ALPK2: variants seen among roughly 807,000 people sequenced by gnomAD.
The protein encoded by ALPK2 is alpha kinase 2.
In ALPK2, 127 loss-of-function variants were observed where a neutral mutation model predicts 163.1. The observed-to-expected ratio is 0.78, with a 90% CI of 0.67 to 0.90. The LOEUF (loss-of-function observed/expected upper bound fraction) is 0.90, where lower values mean the gene tolerates loss of function less well. Among genes scored for constraint, ALPK2 ranks in the 40% least tolerant of loss-of-function variants. ALPK2 has a pLI of 0.00. For synonymous variants in ALPK2, 953 were observed against 959.1 expected (o/e 0.99, Z 0.12); for missense variants, 2,360 against 2,589.6 (o/e 0.91, Z 1.92).
At position 58,514,695 on chromosome 18, in the gene ALPK2, C is replaced by A. The variant is rs565622830; in HGVS notation, c.6029+298G>T. 2.4e-4 allele frequency among the ~76,000 whole-genome samples: 37 copies of A among 152,122 alleles called. No individual in the cohort carries two copies. The South Asian group carries it at 6.9e-3, about 28-fold the overall frequency. ...TATGAGAGTAGATATCCTTTCTTTT[C>A]TATTTAACATGGTAGATTCATTTAT... is the stretch of plus-strand genomic sequence containing the variant. On this transcript the variant is annotated intron_variant, in intron 10 of 12. Coordinates refer to ENST00000361673, the MANE Select transcript of ALPK2 (RefSeq NM_052947.4).
chr18:58,567,723 A>G (rs1433102902), intron 4 of ALPK2, among the ~76,000 whole-genome samples: 1 of 152,222 alleles, frequency 6.6e-6, no homozygotes, highest in Non-Finnish European at 1.5e-5. Context: ...AATTACAGAA[A>G]ATTGAGCAGG....
intron 6 of ALPK2, among the ~76,000 whole-genome samples, chr18:58,526,408 C>T (rs1204838163): frequency 6.6e-6 from 1 of 152,192 alleles, no homozygotes; most frequent in Non-Finnish European, 1.5e-5. Context: ...TCTCCCAGGG[C>T]CATCCAAGGA....
Position 58,529,236 on chromosome 18 carries a change from G to A in ALPK2, c.5356C>T (p.Pro1786Ser). Residue 1786 changes from proline (P) to serine (S), a missense_variant and splice_region_variant, in exon 6 of 13, where the codon CCA becomes TCA. Pro to Ser is a moderately conservative substitution (Grantham distance 74). Coordinates refer to ENST00000361673, the MANE Select transcript of ALPK2 (RefSeq NM_052947.4). ...GCTTGGATCTTTTTCAGTAATACTG[G>A]AGCTAGAAACAAGATATTTGAAGGT... ...KPSCKREGRAPVLLKKIQAEM... is the reference protein window; with the variant it reads ...KPSCKREGRASVLLKKIQAEM... The A allele has an allele frequency of 1.9e-6, 3 of 1,610,112 alleles. No homozygotes were observed. Among genetic ancestry groups the A allele is most frequent in the Non-Finnish European group, 2.5e-6 (3 of 1,178,216 alleles).
At chr18:58,534,449 T>A (rs761200909) in intron 5 of ALPK2, among the ~76,000 whole-genome samples, 36 of 152,230 alleles carry the variant, frequency 2.4e-4, no homozygotes, top group Non-Finnish European at 5.0e-4. Flanking sequence ...CTACACTGAT[T>A]AATGCTTCTG....
chr18:58,606,350 G>A (rs2052097637), intron 3 of ALPK2, among the ~76,000 whole-genome samples: 1 of 152,206 alleles, frequency 6.6e-6, no homozygotes, highest in Admixed American at 6.5e-5. Context: ...AAAGTGCTGA[G>A]ATTGCAGGCA....
intron 4 of ALPK2, among the ~76,000 whole-genome samples, chr18:58,552,627 G>C (rs2051765855): frequency 6.6e-6 from 1 of 152,224 alleles, no homozygotes; most frequent in Non-Finnish European, 1.5e-5. Context: ...TCCTGGCCTT[G>C]TCCTAGCTTC....
rs781213067 is a variant in ALPK2, at chr18:58,536,907, C to T, written c.3280G>A (p.Gly1094Ser). The change falls in exon 5 of 13, where the codon GGT becomes AGT. Residue 1094 changes from glycine (G) to serine (S), a missense_variant. By Grantham distance (56) the Gly-to-Ser change is moderately conservative (BLOSUM62 0). Coordinates refer to ENST00000361673, the MANE Select transcript of ALPK2 (RefSeq NM_052947.4). ...TGAAGAGGGGAATTACTGCAGAAAC[C>T]CTCTCCCTCTGGGAGCTGCAGGACA... ...HHVLQLPEGE[G>S]FCSNSPLQVD... The T allele has an allele frequency of 6.2e-7, 1 of 1,614,180 alleles. No individual in the cohort carries two copies. Among genetic ancestry groups the T allele is most frequent in the East Asian group, 2.2e-5 (1 of 44,886 alleles).
intron 12 of ALPK2, among the ~76,000 whole-genome samples, chr18:58,482,672 C>T (rs553510587): frequency 6.6e-6 from 1 of 152,156 alleles, no homozygotes; most frequent in Admixed American, 6.5e-5. Flanking sequence ...CCTTTGTCTC[C>T]AGTAGGCCCT....
intron 3 of ALPK2, among the ~76,000 whole-genome samples, chr18:58,582,749 A>G (rs1328238668): frequency 6.6e-6 from 1 of 152,058 alleles, no homozygotes; most frequent in African/African-American, 2.4e-5. Context: ...CAATACGTAT[A>G]AGGTGTACGT....
chr18:58,501,040 A>G (rs2051429079), intron 11 of ALPK2, among the ~76,000 whole-genome samples: 1 of 152,262 alleles, frequency 6.6e-6, no homozygotes, highest in Non-Finnish European at 1.5e-5. Context: ...CTGTAAAATT[A>G]TAAAAAGTGG....
chr18:58,533,751 G>A (rs1178545540), intron 5 of ALPK2, among the ~76,000 whole-genome samples: 2 of 152,028 alleles, frequency 1.3e-5, no homozygotes, highest in African/African-American at 4.8e-5. Context: ...CCACAATGCC[G>A]AGCCATTCTC....
At chr18:58,538,642 A>G (rs1213803580) in intron 4 of ALPK2, 1 of 165,160 alleles carries the variant, frequency 6.1e-6, no homozygotes, top group African/African-American at 2.4e-5. Context: ...GCAAAACAGC[A>G]ATAAGCAATC....
chr18:58,537,596 A>T lies in ALPK2; in HGVS notation c.2591T>A (p.Phe864Tyr). ...TGAAGTCTCAGACACTTGTGTCTGAAAAAAGACTTCCAGTGTCTTGTCATT... is the reference window on the plus strand; with the variant it reads ...TGAAGTCTCAGACACTTGTGTCTGATAAAAGACTTCCAGTGTCTTGTCATT... ...SSNDKTLEVF[F>Y]QTQVSETSVS... Residue 864 changes from phenylalanine to tyrosine, a missense_variant, in exon 5 of 13, where the codon TTT becomes TAT. Transcript: ENST00000361673. 1 of 1,613,824 alleles carries T rather than the reference A, an allele frequency of 6.2e-7. No individual in the cohort carries two copies. The highest frequency in any genetic ancestry group is 8.5e-7 in the Non-Finnish European group (1 of 1,179,746).
chr18:58,554,629 T>C (rs907693585), intron 4 of ALPK2, among the ~76,000 whole-genome samples: 7 of 152,200 alleles, frequency 4.6e-5, no homozygotes, highest in African/African-American at 1.7e-4. Flanking sequence ...GTGTGTCTTG[T>C]GCTTCAGTTG....
At chr18:58,616,909 G>T (rs1003975651) in intron 1 of ALPK2, among the ~76,000 whole-genome samples, 7 of 152,020 alleles carry the variant, frequency 4.6e-5, no homozygotes, top group African/African-American at 9.7e-5. Flanking sequence ...CGGGGGCTTG[G>T]GGGGTGGGTG....
intron 4 of ALPK2, among the ~76,000 whole-genome samples, chr18:58,545,438 G>T (rs1227435930): frequency 6.6e-6 from 1 of 152,238 alleles, no homozygotes; most frequent in Non-Finnish European, 1.5e-5. Flanking sequence ...AGAGCAAGGG[G>T]TGTGGTCCCT....
intron 4 of ALPK2, among the ~76,000 whole-genome samples, chr18:58,577,428 T>TA (rs1225344090): frequency 2.0e-5 from 3 of 152,198 alleles, no homozygotes; most frequent in African/African-American, 4.8e-5. Context: ...TAAATGACTG[T>TA]AAAAAAAGCA....
intron 3 of ALPK2, among the ~76,000 whole-genome samples, chr18:58,595,667 C>G (rs2144214661): frequency 6.6e-6 from 1 of 152,250 alleles, no homozygotes; most frequent in African/African-American, 2.4e-5. Flanking sequence ...CCAATTAAAA[C>G]AGAATTTTTT....
chr18:58,481,358 A>G lies in ALPK2; in HGVS notation c.*465T>C, dbSNP rs1044826417. On this transcript the variant is annotated 3_prime_UTR_variant, in exon 13 of 13. Transcript: ENST00000361673. ...CTCCGGCAACAATAGCGTATTAGAC[A>G]CCAGTGGAACAACTTGATCCAGTGA... is the stretch of plus-strand genomic sequence containing the variant. The G allele has an allele frequency of 5.8e-6, 1 of 171,326 alleles. No individual in the cohort carries two copies. Among genetic ancestry groups the G allele is most frequent in the Non-Finnish European group, 1.3e-5 (1 of 79,428 alleles). 10.6% of individuals were successfully genotyped at this position (171,326 alleles called of 1,614,324 possible).
Sources: gnomAD v4.1 joint callset for allele counts (sites outside exome capture counted in the v4.1 genomes callset) on GRCh38, gnomAD v4.1.1 for gene constraint, MANE v1.5 for transcripts, NCBI Gene and HGNC (gene_info 2026-07-23, HGNC 2026-07-21) for gene names.